Variants in DPYSL5 observed in about 807,000 individuals in gnomAD.
DPYSL5 encodes dihydropyrimidinase like 5.
Under a neutral mutation model 58.4 loss-of-function variants are expected in DPYSL5, and 9 were observed. The ratio of observed to expected loss-of-function variants is 0.15; its 90% CI spans 0.09 to 0.27. The LOEUF (loss-of-function observed/expected upper bound fraction) is 0.27. Among genes scored for constraint, DPYSL5 ranks in the 10% least tolerant of loss-of-function variants. DPYSL5 has a pLI of 1.00. For missense variants in DPYSL5, 499 were observed against 770.6 expected (o/e 0.65, Z 4.17); for synonymous variants, 293 against 301.9 (o/e 0.97, Z 0.31).
At chr2:26,887,374 T>C (rs2148128699) in intron 1 of DPYSL5, among the ~76,000 whole-genome samples, 1 of 152,230 alleles carries the variant, frequency 6.6e-6, no homozygotes. Flanking sequence ...TCCAGCTGAG[T>C]TGTTGGCAGG....
intron 1 of DPYSL5, among the ~76,000 whole-genome samples, chr2:26,883,545 C>T (rs1205280189): frequency 3.3e-5 from 5 of 152,178 alleles, no homozygotes; most frequent in Middle Eastern, 3.4e-3. Flanking sequence ...ATTACAGGCA[C>T]GCACCATCAT....
rs1309155060 is a variant in DPYSL5 at position 26,944,304 on chromosome 2, T to C, written c.1441-352T>C. On this transcript the variant is annotated intron_variant, in intron 11 of 12. Coordinates refer to ENST00000288699, the MANE Select transcript of DPYSL5 (RefSeq NM_020134.4). This position sits in a 1 kb window ranked among gnomAD's most constrained non-coding sequence, Gnocchi z 4.4. ...TGTCTCAAAAAAAAGAAAAGAAAAATTTGGTTAAAGTTGACTTCCTCAGAT... is the reference window on the plus strand; with the variant it reads ...TGTCTCAAAAAAAAGAAAAGAAAAACTTGGTTAAAGTTGACTTCCTCAGAT... 6.6e-6 allele frequency among the ~76,000 whole-genome samples: 1 copy of C among 151,418 alleles called. No homozygotes were observed. Among genetic ancestry groups the C allele is most frequent in the Non-Finnish European group, 1.5e-5 (1 of 67,852 alleles).
chr2:26,944,607 C>A lies in DPYSL5; in HGVS notation c.1441-49C>A. The A allele has an allele frequency of 6.3e-7, 1 of 1,593,406 alleles. No homozygotes were observed. Among genetic ancestry groups the A allele is most frequent in the Admixed American group, 1.7e-5 (1 of 58,800 alleles). ...GGGAGGCCATGGTTGTATCACTCAGCTCTGATGGTGTTGTCCTGTTCTTCT... is the reference window on the plus strand; with the variant it reads ...GGGAGGCCATGGTTGTATCACTCAGATCTGATGGTGTTGTCCTGTTCTTCT... On this transcript the variant is annotated intron_variant, in intron 11 of 12. Coordinates refer to ENST00000288699, the MANE Select transcript of DPYSL5 (RefSeq NM_020134.4). This position sits in a 1 kb window ranked among gnomAD's most constrained non-coding sequence, Gnocchi z 4.4.
intron 1 of DPYSL5, among the ~76,000 whole-genome samples, chr2:26,867,223 C>T (rs986081105): frequency 1.5e-4 from 23 of 152,068 alleles, no homozygotes; most frequent in Admixed American, 8.5e-4. Flanking sequence ...TCCGATTTAA[C>T]GTTATGTCTG....
chr2:26,896,225 C>G (rs1572694130), intron 1 of DPYSL5, among the ~76,000 whole-genome samples: 1 of 152,256 alleles, frequency 6.6e-6, no homozygotes, highest in South Asian at 2.1e-4. Flanking sequence ...GGACCTCCCC[C>G]TTTTTTATGG....
chr2:26,904,400 A>G (rs1395656818), intron 2 of DPYSL5, among the ~76,000 whole-genome samples: 1 of 152,154 alleles, frequency 6.6e-6, no homozygotes. Flanking sequence ...CAACTCCAGT[A>G]TTCTGTTTCT....
intron 1 of DPYSL5, among the ~76,000 whole-genome samples, chr2:26,851,449 T>A (rs1267510491): frequency 2.4e-5 from 3 of 127,068 alleles, no homozygotes; most frequent in Non-Finnish European, 5.0e-5. Context: ...GCAAGGCAAG[T>A]TTACACAGTT....
chr2:26,929,700 A>C (rs1292660606), intron 5 of DPYSL5, among the ~76,000 whole-genome samples: 1 of 152,222 alleles, frequency 6.6e-6, no homozygotes, highest in Non-Finnish European at 1.5e-5. Context: ...CAGGAGACAC[A>C]TACAAGTCTA....
Position 26,944,877 on chromosome 2 carries a change from A to C in DPYSL5, c.1609+53A>C. 6.4e-7 allele frequency: 1 copy of C among 1,569,536 alleles called. No individual in the cohort carries two copies. Among genetic ancestry groups the C allele is most frequent in the East Asian group, 2.2e-5 (1 of 44,640 alleles). On this transcript the variant is annotated intron_variant, in intron 12 of 12. Coordinates refer to ENST00000288699, the MANE Select transcript of DPYSL5 (RefSeq NM_020134.4). The surrounding 1 kb of genome is among the most constrained non-coding windows in gnomAD (Gnocchi z 4.4). ...GATGGGGGTCTGGGAGAAGTGGCCC[A>C]CCTAGGCAGTGGGACTTACGCCTGC...
chr2:26,942,965 G>T lies in DPYSL5; in HGVS notation c.1440+215G>T, dbSNP rs1384433114. On this transcript the variant is annotated intron_variant, in intron 11 of 12. Transcript: ENST00000288699. The surrounding 1 kb of genome is among the most constrained non-coding windows in gnomAD (Gnocchi z 5.9). The stretch of plus-strand genomic sequence containing the variant: ...GTTCCCCGTCTTTGATTACCAAGTG[G>T]CATTTTAAGTGGTCAGGCAGCAGGG... Among the ~76,000 whole-genome samples, 1 of 152,208 alleles carries T rather than the reference G, an allele frequency of 6.6e-6. No homozygotes were observed.
At position 26,949,222 on chromosome 2, in the gene DPYSL5, C is replaced by T. The variant is rs535376810; in HGVS notation, c.*2227C>T. On this transcript the variant is annotated 3_prime_UTR_variant, in exon 13 of 13. Coordinates refer to ENST00000288699, the MANE Select transcript of DPYSL5 (RefSeq NM_020134.4). ...TTTTTCTCATCTTTCTTATAAACAA[C>T]CTCATGCACATTCTGTGTTTGAGCC... is the stretch of plus-strand genomic sequence containing the variant. 2.6e-5 allele frequency: 4 copies of T among 152,186 alleles called. No homozygotes were observed. The highest frequency in any genetic ancestry group is 7.2e-5 in the African/African-American group (3 of 41,430). 9.4% of individuals were successfully genotyped at this position (152,186 alleles called of 1,614,324 possible).
chr2:26,891,590 G>A (rs1426213816), intron 1 of DPYSL5, among the ~76,000 whole-genome samples: 2 of 152,196 alleles, frequency 1.3e-5, no homozygotes, highest in African/African-American at 4.8e-5. Context: ...AAAAAGGATG[G>A]CAGAGGGAGG....
chr2:26,855,769 G>C (rs995122171), intron 1 of DPYSL5, among the ~76,000 whole-genome samples: 3 of 152,010 alleles, frequency 2.0e-5, no homozygotes, highest in Admixed American at 6.6e-5. Flanking sequence ...CCCTTCTTTT[G>C]TCTGGTCCTG....
rs1665870499 is a variant in DPYSL5 at position 26,856,086 on chromosome 2, A to G, written c.-5+7832A>G. On this transcript the variant is annotated intron_variant, in intron 1 of 12. Coordinates refer to ENST00000288699, the MANE Select transcript of DPYSL5 (RefSeq NM_020134.4). The stretch of plus-strand genomic sequence containing the variant: ...AGTGGCTGAGGGTGCATTTTAAAAA[A>G]AACTAGTAAAGTATAACAGATAAAC... Among the ~76,000 whole-genome samples, 6 of 152,162 alleles carry G rather than the reference A, an allele frequency of 3.9e-5. No homozygotes were observed. The South Asian group carries it at 1.2e-3, about 32-fold the overall frequency.
intron 2 of DPYSL5, among the ~76,000 whole-genome samples, chr2:26,917,773 A>C (rs1303905620): frequency 6.6e-6 from 1 of 152,202 alleles, no homozygotes; most frequent in East Asian, 1.9e-4. Flanking sequence ...CTAGTGCAAA[A>C]GGAAAATATG....
intron 1 of DPYSL5, among the ~76,000 whole-genome samples, chr2:26,859,713 C>T (rs1010544410): frequency 2.0e-5 from 3 of 152,212 alleles, no homozygotes; most frequent in African/African-American, 7.2e-5. Context: ...ATTAAATGGT[C>T]TTGGTGTTGC....
intron 1 of DPYSL5, among the ~76,000 whole-genome samples, chr2:26,888,500 G>C (rs993380467): frequency 1.3e-5 from 2 of 152,018 alleles, no homozygotes; most frequent in African/African-American, 4.8e-5. Flanking sequence ...TCAAATTTCT[G>C]ACCTCAGGTG....
chr2:26,928,918 G>A lies in DPYSL5; in HGVS notation c.669+595G>A, dbSNP rs1303549885. Reference sequence around the variant, plus strand: ...AGACAGACTGAAAAGGCCTTCAGGTGTTAGAAGAAATTTCAAACTATAAAC... The same window carrying A: ...AGACAGACTGAAAAGGCCTTCAGGTATTAGAAGAAATTTCAAACTATAAAC... On this transcript the variant is annotated intron_variant, in intron 5 of 12. Transcript: ENST00000288699. 8.6e-5 allele frequency among the ~76,000 whole-genome samples: 13 copies of A among 151,808 alleles called. No individual in the cohort carries two copies. The East Asian group carries it at 2.5e-3, about 30-fold the overall frequency.
chr2:26,872,295 C>T (rs761262336), intron 1 of DPYSL5, among the ~76,000 whole-genome samples: 15 of 152,166 alleles, frequency 9.9e-5, no homozygotes, highest in Non-Finnish European at 2.2e-4. Flanking sequence ...CACAAGACAT[C>T]ATTTGAATTC....
Sources: allele counts gnomAD v4.1 joint callset (sites outside exome capture counted in the v4.1 genomes callset), GRCh38; gene constraint gnomAD v4.1.1; non-coding constraint Gnocchi (gnomAD v3.1); transcripts MANE v1.5; gene names NCBI Gene and HGNC (gene_info 2026-07-23, HGNC 2026-07-21).